SPTBN1: variants seen among roughly 807,000 people sequenced by gnomAD.
SPTBN1 encodes the protein spectrin beta, non-erythrocytic 1, also known as spectrin beta chain, non-erythrocytic 1.
Under a neutral mutation model 266.4 loss-of-function variants are expected in SPTBN1, and 32 were observed. The ratio of observed to expected loss-of-function variants is 0.12; its 90% CI spans 0.09 to 0.16. The LOEUF is 0.16. Ranked by LOEUF, SPTBN1 falls within the 10% of genes least tolerant of loss-of-function variation. The probability of loss-of-function intolerance (pLI) is 1.00; values close to 1 mark genes in which losing one functional copy is unlikely to be tolerated. For missense variants in SPTBN1, 2,296 were observed against 3,067.1 expected (o/e 0.75, Z 5.94); for synonymous variants, 1,336 against 1,162.2 (o/e 1.15, Z -3.04).
At chr2:54,596,267 C>A (rs1573494588) in intron 2 of SPTBN1, among the ~76,000 whole-genome samples, 1 of 152,202 alleles carries the variant, frequency 6.6e-6, no homozygotes, top group Non-Finnish European at 1.5e-5. Flanking sequence ...GTCATTGTGC[C>A]TTCCCAGGAT....
At chr2:54,545,812 A>G (rs528354791) in intron 2 of SPTBN1, among the ~76,000 whole-genome samples, 80 of 152,068 alleles carry the variant, frequency 5.3e-4, no homozygotes, top group African/African-American at 1.7e-3. Flanking sequence ...GACCTCTAAG[A>G]TTGTGTATAT....
rs542703367 is a variant in SPTBN1 at position 54,509,321 on chromosome 2, CT to C, written c.-47-17050del. 1.6e-4 allele frequency among the ~76,000 whole-genome samples: 24 copies of C among 152,274 alleles called. No individual in the cohort carries two copies. The East Asian group carries it at 4.2e-3, about 27-fold the overall frequency. On this transcript the variant is annotated intron_variant, in intron 1 of 35. Coordinates refer to ENST00000356805, the MANE Select transcript of SPTBN1 (RefSeq NM_003128.3). ...AAGTCCGGGCCAGGAACAATGGTAA[CT>C]GTGGGAGACTCAACAAAGAGTGAGT...
At chr2:54,511,443 T>C (rs1237958546) in intron 1 of SPTBN1, among the ~76,000 whole-genome samples, 1 of 152,202 alleles carries the variant, frequency 6.6e-6, no homozygotes, top group Admixed American at 6.5e-5. Context: ...CTCCAACCTT[T>C]TTGGCACCAG....
At chr2:54,588,176 C>G (rs1421378103) in intron 2 of SPTBN1, among the ~76,000 whole-genome samples, 1 of 152,154 alleles carries the variant, frequency 6.6e-6, no homozygotes, top group Non-Finnish European at 1.5e-5. Flanking sequence ...TATGGGGTAT[C>G]ATCAGCCTCC....
intron 1 of SPTBN1, among the ~76,000 whole-genome samples, chr2:54,485,333 G>A (rs1393363422): frequency 1.3e-5 from 2 of 150,790 alleles, no homozygotes; most frequent in East Asian, 4.1e-4. Context: ...TGCAATTGCA[G>A]GCACGCGCCG....
intron 7 of SPTBN1, among the ~76,000 whole-genome samples, chr2:54,619,933 G>A (rs768428787): frequency 7.2e-5 from 11 of 152,152 alleles, no homozygotes; most frequent in East Asian, 1.9e-4. Context: ...TGTCAGGGGC[G>A]GCGATAGGAA....
intron 1 of SPTBN1, among the ~76,000 whole-genome samples, 190 bp downstream of exon 1, chr2:54,456,708 G>A (rs1693050864): frequency 6.6e-6 from 1 of 150,836 alleles, no homozygotes; most frequent in Non-Finnish European, 1.5e-5. Flanking sequence ...GGGCGGCGCG[G>A]GGAGCCCGGG....
chr2:54,585,909 T>C (rs760680432), intron 2 of SPTBN1, among the ~76,000 whole-genome samples: 5 of 152,172 alleles, frequency 3.3e-5, no homozygotes, highest in Non-Finnish European at 5.9e-5. Context: ...TAACCGTGGA[T>C]TGGGTCAGCC....
chr2:54,552,064 G>C (rs1455709289), intron 2 of SPTBN1, among the ~76,000 whole-genome samples: 3 of 152,152 alleles, frequency 2.0e-5, no homozygotes, highest in Admixed American at 6.5e-5. Context: ...CATCCCAGAG[G>C]GAGGACTGGT....
chr2:54,513,458 C>T (rs1371848174), intron 1 of SPTBN1, among the ~76,000 whole-genome samples: 1 of 152,110 alleles, frequency 6.6e-6, no homozygotes, highest in Non-Finnish European at 1.5e-5. Flanking sequence ...CTGTGTTGTT[C>T]AGGCACATAT....
intron 28 of SPTBN1, 123 bp from the exon 29 acceptor site, chr2:54,655,791 T>C (rs971888034): frequency 3.0e-6 from 2 of 673,194 alleles, no homozygotes; most frequent in Non-Finnish European, 5.2e-6. Context: ...GAGCAGTCCT[T>C]AGATATCTCC....
Position 54,623,520 on chromosome 2 carries a change from T to C in SPTBN1, c.1106T>C (p.Ile369Thr). The C allele has an allele frequency of 6.2e-7, 1 of 1,614,198 alleles. No homozygotes were observed. The highest frequency in any genetic ancestry group is 8.5e-7 in the Non-Finnish European group (1 of 1,180,020). ...KGNLEVLLFT[I>T]QSKMRANNQK... The stretch of plus-strand genomic sequence containing the variant: ...AACTTGGAAGTGCTGCTCTTCACCA[T>C]TCAGAGCAAGATGAGGGCCAACAAC... The change falls in exon 10 of 36, where the codon ATT (isoleucine) becomes ACT (threonine). Residue 369 changes from isoleucine (I) to threonine (T), a missense_variant. By Grantham distance (89) the Ile-to-Thr change is moderately conservative. Around this residue, in one of 12 missense-constraint regions of SPTBN1, gnomAD observed 148 missense variants for 203.8 expected, o/e 0.73. Transcript: ENST00000356805.
rs1012208274 is a variant in SPTBN1, at chr2:54,646,580, C to A, written c.4866+105C>A. 2.3e-6 allele frequency: 3 copies of A among 1,324,382 alleles called. No homozygotes were observed. Among genetic ancestry groups the A allele is most frequent in the East Asian group, 2.6e-5 (1 of 37,992 alleles). 82.0% of individuals were successfully genotyped at this position (1,324,382 alleles called of 1,614,324 possible). The stretch of plus-strand genomic sequence containing the variant: ...GTCTGTATAAAAACTTCCCTTGTAG[C>A]CTTTGAGTGTTAAGGGGACACCATG... On this transcript the variant is annotated intron_variant, in intron 23 of 35. Transcript: ENST00000356805. The surrounding 1 kb of genome is among the most constrained non-coding windows in gnomAD (Gnocchi z 4.4).
rs545089953 is a variant in SPTBN1 at position 54,542,320 on chromosome 2, T to G, written c.148+15754T>G. On this transcript the variant is annotated intron_variant, in intron 2 of 35. Coordinates refer to ENST00000356805, the MANE Select transcript of SPTBN1 (RefSeq NM_003128.3). ...CATGCATGGCTATGTCGAGATGCCA[T>G]GAGAAGAGCTGCAGAAGGAGCTCAA... Among the ~76,000 whole-genome samples, 8 of 152,352 alleles carry G rather than the reference T, an allele frequency of 5.3e-5. No individual in the cohort carries two copies. The East Asian group carries it at 1.5e-3, about 29-fold the overall frequency.
In SPTBN1 at chr2:54,599,074, G is replaced by A; in HGVS notation, c.149-18G>A. On this transcript the variant is annotated intron_variant, in intron 2 of 35. Transcript: ENST00000356805. ...AGTTCTGTGGTCAATGGTAAAACAA[G>A]TTCTTCTCTGCTTGCAGATGAGCGT... 6.2e-7 allele frequency: 1 copy of A among 1,613,126 alleles called. No individual in the cohort carries two copies. Among genetic ancestry groups the A allele is most frequent in the African/African-American group, 1.3e-5 (1 of 75,032 alleles).
intron 28 of SPTBN1, 129 bp downstream of exon 28, chr2:54,655,337 C>T: frequency 7.9e-7 from 1 of 1,258,816 alleles, no homozygotes; most frequent in South Asian, 1.6e-5. Context: ...TTTTAAAACT[C>T]CTTTCCTGTG....
At chr2:54,639,753 C>G (rs900912925) in intron 18 of SPTBN1, among the ~76,000 whole-genome samples, 5 of 152,238 alleles carry the variant, frequency 3.3e-5, no homozygotes, top group African/African-American at 1.2e-4. Context: ...GAGGAGTTCT[C>G]TCCTCCACAC....
At chr2:54,487,170 C>CTTTTTTTTTTTT (rs34779689) in intron 1 of SPTBN1, among the ~76,000 whole-genome samples, 5 of 98,584 alleles carry the variant, frequency 5.1e-5, no homozygotes, top group East Asian at 3.1e-4. Flanking sequence ...ATTAGGATTT[C>CTTTTTTTTTTTT]TTTTTTTTTT....
At chr2:54,483,344 A>G (rs753572628) in intron 1 of SPTBN1, among the ~76,000 whole-genome samples, 12 of 152,256 alleles carry the variant, frequency 7.9e-5, no homozygotes, top group East Asian at 1.9e-4. Context: ...TTGTTCAGAC[A>G]TAGCACATAA....
Sources: allele counts gnomAD v4.1 joint callset (sites outside exome capture counted in the v4.1 genomes callset), GRCh38; gene constraint gnomAD v4.1.1; regional missense constraint gnomAD v4.1.1; non-coding constraint Gnocchi (gnomAD v3.1); transcripts MANE v1.5; gene names NCBI Gene and HGNC (gene_info 2026-07-23, HGNC 2026-07-21).